CNTN5: variants seen among roughly 807,000 people sequenced by gnomAD.
CNTN5 encodes contactin-5.
In CNTN5, 77 loss-of-function variants were observed where a neutral mutation model predicts 129.1. The observed-to-expected ratio is 0.60, with a 90% confidence interval of 0.50 to 0.72. The LOEUF (loss-of-function observed/expected upper bound fraction) is 0.72, where lower values mean the gene tolerates loss of function less well. CNTN5 is among the 30% of genes least tolerant of loss of function. CNTN5 has a pLI of 0.00. For synonymous variants in CNTN5, 509 were observed against 465.6 expected, an observed-to-expected ratio of 1.09 and a Z score of -1.20; for missense variants, 1,478 against 1,328.8, an observed-to-expected ratio of 1.11 and a Z score of -1.75.
Position 100,350,817 on chromosome 11 carries a change from G to A in CNTN5, c.3146G>A (p.Ser1049Asn). 1 of 1,605,204 alleles carries A rather than the reference G, an allele frequency of 6.2e-7. No individual in the cohort carries two copies. Among genetic ancestry groups the A allele is most frequent in the Non-Finnish European group, 8.5e-7 (1 of 1,174,514 alleles). Residue 1049 changes from serine (S) to asparagine (N), a missense_variant, in exon 24 of 25, where the codon AGT becomes AAT. Transcript: ENST00000524871. ...GVYIIEVRAY[S>N]EGGDGTASSQ... ...TATATTATTGAAGTTCGAGCATATA[G>A]TGAAGGAGGAGATGGAACAGCTAGT...
intron 2 of CNTN5, among the ~76,000 whole-genome samples, chr11:99,411,803 G>A (rs1942407251): frequency 6.6e-6 from 1 of 152,160 alleles, no homozygotes; most frequent in South Asian, 2.1e-4. Flanking sequence ...TAGCACTAAA[G>A]TCACTGTATA....
At chr11:99,722,111 A>G (rs566968107) in intron 3 of CNTN5, among the ~76,000 whole-genome samples, 145 of 152,270 alleles carry the variant, frequency 9.5e-4, no homozygotes, top group African/African-American at 3.3e-3. Flanking sequence ...CTATCATTCA[A>G]TCCAGCAATC....
At chr11:100,022,842 C>A (rs904341212) in intron 9 of CNTN5, among the ~76,000 whole-genome samples, 5 of 152,130 alleles carry the variant, frequency 3.3e-5, no homozygotes, top group African/African-American at 1.2e-4. Context: ...AGATATGTTT[C>A]TCTACTATTT....
intron 4 of CNTN5, among the ~76,000 whole-genome samples, chr11:99,843,448 A>T (rs187456005): frequency 3.4e-3 from 516 of 151,426 alleles, no homozygotes; most frequent in South Asian, 8.6e-3. Context: ...TTTTCCCAGA[A>T]TTTTTTTTTA....
At chr11:99,406,183 C>T (rs1591635397) in intron 2 of CNTN5, among the ~76,000 whole-genome samples, 2 of 151,890 alleles carry the variant, frequency 1.3e-5, no homozygotes, top group African/African-American at 4.8e-5. Flanking sequence ...TATTTGCACT[C>T]ATCCTTCCTG....
chr11:99,841,835 TAC>T (rs538374545), intron 4 of CNTN5, among the ~76,000 whole-genome samples: 10,741 of 144,098 alleles, frequency 0.075, 500 homozygotes, highest in Non-Finnish European at 0.11. Context: ...TATATATATA[TAC>T]ACACACACAC....
intron 1 of CNTN5, among the ~76,000 whole-genome samples, chr11:99,295,798 C>G (rs996925192): frequency 6.6e-6 from 1 of 150,962 alleles, no homozygotes; most frequent in Non-Finnish European, 1.5e-5. Context: ...ATGGCGTGAA[C>G]CCAGGAAGCA....
intron 1 of CNTN5, among the ~76,000 whole-genome samples, chr11:99,212,930 G>A (rs1055969927): frequency 6.6e-6 from 1 of 151,966 alleles, no homozygotes; most frequent in African/African-American, 2.4e-5. Flanking sequence ...AATGGCTCAG[G>A]CCTGTAATCC....
At chr11:99,380,654 A>C (rs1487142030) in intron 2 of CNTN5, among the ~76,000 whole-genome samples, 1 of 151,426 alleles carries the variant, frequency 6.6e-6, no homozygotes, top group Non-Finnish European at 1.5e-5. Context: ...CTGTAATCCC[A>C]GCTACTCATG....
chr11:99,274,062 T>C (rs1434460022), intron 1 of CNTN5, among the ~76,000 whole-genome samples: 1 of 151,772 alleles, frequency 6.6e-6, no homozygotes, highest in Non-Finnish European at 1.5e-5. Flanking sequence ...TAACCATACT[T>C]CAAGTGCTCA....
chr11:99,099,260 T>G (rs1432005518), intron 1 of CNTN5, among the ~76,000 whole-genome samples: 1 of 152,124 alleles, frequency 6.6e-6, no homozygotes, highest in Non-Finnish European at 1.5e-5. Context: ...GAATTAATCT[T>G]AAAGATATTA....
At chr11:99,972,085 T>TACAAA (rs1714430736) in intron 8 of CNTN5, among the ~76,000 whole-genome samples, 1 of 92,228 alleles carries the variant, frequency 1.1e-5, no homozygotes, top group Non-Finnish European at 2.0e-5. Context: ...TTATCTCTAT[T>TACAAA]AAAAAAAAAA....
chr11:99,862,130 T>TTAAC (rs1442243841), intron 6 of CNTN5, among the ~76,000 whole-genome samples: 1 of 152,172 alleles, frequency 6.6e-6, no homozygotes, highest in African/African-American at 2.4e-5. Flanking sequence ...AACATACAAA[T>TTAAC]TAACTGTCAA....
chr11:100,239,902 C>T (rs1484953441), intron 16 of CNTN5, among the ~76,000 whole-genome samples: 1 of 152,122 alleles, frequency 6.6e-6, no homozygotes, highest in African/African-American at 2.4e-5. Flanking sequence ...TAAAACAAGC[C>T]TGCTTGAATT....
intron 2 of CNTN5, among the ~76,000 whole-genome samples, chr11:99,445,334 T>C (rs192217027): frequency 7.2e-5 from 11 of 152,110 alleles, no homozygotes; most frequent in Non-Finnish European, 8.8e-5. Context: ...TTATAATAAA[T>C]ACTACTTTTT....
chr11:99,478,671 A>G (rs1334153386), intron 2 of CNTN5, among the ~76,000 whole-genome samples: 1 of 152,130 alleles, frequency 6.6e-6, no homozygotes, highest in Non-Finnish European at 1.5e-5. Context: ...TGGTTGTTAA[A>G]CCAAGATAAC....
chr11:99,085,526 T>C (rs949291527), intron 1 of CNTN5, among the ~76,000 whole-genome samples: 1 of 151,848 alleles, frequency 6.6e-6, no homozygotes, highest in Non-Finnish European at 1.5e-5. Flanking sequence ...AATTTTGGAA[T>C]TATCATAATA....
At chr11:99,577,739 T>C (rs1949405666) in intron 3 of CNTN5, among the ~76,000 whole-genome samples, 1 of 152,114 alleles carries the variant, frequency 6.6e-6, no homozygotes, top group Admixed American at 6.5e-5. Flanking sequence ...GACAGTTCTT[T>C]AGTTATTGCT....
chr11:100,152,639 T>C (rs1947106461), intron 13 of CNTN5, among the ~76,000 whole-genome samples: 2 of 152,158 alleles, frequency 1.3e-5, no homozygotes, highest in Non-Finnish European at 2.9e-5. Context: ...AACTGCATGT[T>C]TAGTGCCTCC....
Sources: allele counts gnomAD v4.1 joint callset (sites outside exome capture counted in the v4.1 genomes callset), GRCh38; gene constraint gnomAD v4.1.1; transcripts MANE v1.5; gene names NCBI Gene and HGNC (gene_info 2026-07-23, HGNC 2026-07-21).